Variants in PRPF38A observed in about 807,000 individuals in gnomAD.
The protein encoded by PRPF38A is pre-mRNA-splicing factor 38A.
Under a neutral mutation model 46.8 loss-of-function variants are expected in PRPF38A, and 11 were observed. That is an observed-to-expected ratio of 0.24 (90% CI 0.15 to 0.39). PRPF38A has a LOEUF of 0.39. Ranked by LOEUF, PRPF38A falls within the 10% of genes least tolerant of loss-of-function variation. PRPF38A has a pLI of 1.00. For missense variants in PRPF38A, 261 were observed against 407.5 expected (o/e 0.64, Z 3.10); for synonymous variants, 124 against 136.2 (o/e 0.91, Z 0.62).
chr1:52,410,060 C>CAT (rs1038641170), intron 3 of PRPF38A, among the ~76,000 whole-genome samples: 4 of 148,502 alleles, frequency 2.7e-5, no homozygotes, highest in Admixed American at 6.7e-5. Flanking sequence ...TATACACACA[C>CAT]ATATATATAC....
intron 9 of PRPF38A, among the ~76,000 whole-genome samples, chr1:52,416,402 G>A (rs774437406): frequency 6.6e-5 from 10 of 151,308 alleles, no homozygotes; most frequent in East Asian, 3.9e-4. Context: ...TCCACCTCCC[G>A]GGTTCAAGCA....
chr1:52,405,009 T>C (rs1288604303), intron 1 of PRPF38A, 130 bp downstream of exon 1: 1 of 1,046,380 alleles, frequency 9.6e-7, no homozygotes, highest in Non-Finnish European at 1.4e-6. Context: ...TTCAGAAAAA[T>C]TTTGAGTGCC....
Position 52,413,994 on chromosome 1 carries a change from A to T in PRPF38A, c.722+3A>T. On this transcript the variant is annotated splice_donor_region_variant and intron_variant, in intron 6 of 9. Coordinates refer to ENST00000257181, the MANE Select transcript of PRPF38A (RefSeq NM_032864.4). Reference sequence around the variant, plus strand: ...AGTAGGAGCCGGTCTCCCAGAAGGTAAAGCCTAGTCATTGGCCTTTTCCCA... The same window carrying T: ...AGTAGGAGCCGGTCTCCCAGAAGGTTAAGCCTAGTCATTGGCCTTTTCCCA... The T allele has an allele frequency of 6.3e-7, 1 of 1,594,234 alleles. No individual in the cohort carries two copies. Among genetic ancestry groups the T allele is most frequent in the Non-Finnish European group, 8.6e-7 (1 of 1,162,048 alleles).
intron 4 of PRPF38A, among the ~76,000 whole-genome samples, chr1:52,411,735 C>T (rs1298879756): frequency 6.6e-6 from 1 of 151,920 alleles, no homozygotes; most frequent in Non-Finnish European, 1.5e-5. Flanking sequence ...TAGTGATAAA[C>T]GATTATCCAT....
At chr1:52,408,712 C>T (rs1251330093) in intron 3 of PRPF38A, 22 bp downstream of exon 3, 1 of 1,610,462 alleles carries the variant, frequency 6.2e-7, no homozygotes, top group Middle Eastern at 1.7e-4. Context: ...GCTAAGTCTC[C>T]TGATTGTCAT....
chr1:52,406,230 C>A (rs945740194), intron 2 of PRPF38A, among the ~76,000 whole-genome samples: 1 of 151,864 alleles, frequency 6.6e-6, no homozygotes, highest in African/African-American at 2.4e-5. Flanking sequence ...TTCAGGTAAT[C>A]CCCTCCCCCC....
intron 2 of PRPF38A, among the ~76,000 whole-genome samples, chr1:52,407,103 G>A (rs772542177): frequency 3.3e-5 from 5 of 152,012 alleles, no homozygotes; most frequent in East Asian, 1.9e-4. Flanking sequence ...CTGCAAGCTC[G>A]GCCTCCTGGG....
Position 52,404,984 on chromosome 1 carries a change from G to A in PRPF38A, c.130+105G>A, listed in dbSNP as rs550540579. 36 of 1,365,484 alleles carry A rather than the reference G, an allele frequency of 2.6e-5. No individual in the cohort carries two copies. The East Asian group carries it at 5.1e-4, about 19-fold the overall frequency. 84.6% of individuals were successfully genotyped at this position (1,365,484 alleles called of 1,614,324 possible). ...TGGCCTCTGGGGGTGGTACTGGAAC[G>A]GAGTATGTCGATCATTCAGAAAAAT... On this transcript the variant is annotated intron_variant, in intron 1 of 9. Transcript: ENST00000257181.
At chr1:52,416,618 TA>T (rs1447854247) in intron 9 of PRPF38A, 29 bp from the exon 10 acceptor site, 1 of 1,589,874 alleles carries the variant, frequency 6.3e-7, no homozygotes, top group Non-Finnish European at 8.6e-7. Flanking sequence ...TGCTTCTTAA[TA>T]TAATTATTTA....
In PRPF38A at chr1:52,414,845, G is replaced by C; in HGVS notation, c.833G>C (p.Arg278Pro). 1 of 1,613,998 alleles carries C rather than the reference G, an allele frequency of 6.2e-7. No individual in the cohort carries two copies. Among genetic ancestry groups the C allele is most frequent in the Non-Finnish European group, 8.5e-7 (1 of 1,179,946 alleles). Residue 278 changes from arginine to proline, a missense_variant, in exon 8 of 10, where the codon CGT (arginine) becomes CCT (proline). Transcript: ENST00000257181. ...TCCCGAGATCGGCGGCACAGATCCC[G>C]TTCCAAGTCCCCAGGTAAAGCTTGT... ...SRSRDRRHRS[R>P]SKSPGHHRSH...
Position 52,404,860 on chromosome 1 carries a change from G to A in PRPF38A, c.111G>A (p.Glu37=), listed in dbSNP as rs146021095. Residue 37 remains glutamate, a synonymous_variant, in exon 1 of 10, where the codon GAG becomes GAA. Coordinates refer to ENST00000257181, the MANE Select transcript of PRPF38A (RefSeq NM_032864.4). ...TCTATGAGTCCAAGTACTGGAAAGA[G>A]GAGTGCTTTGGACTTACAGGTAAGT... is the stretch of plus-strand genomic sequence containing the variant. ...TRIYESKYWK[E]ECFGLTAELV... 1.2e-5 allele frequency: 20 copies of A among 1,614,192 alleles called. No homozygotes were observed. The highest frequency in any genetic ancestry group is 1.5e-5 in the Non-Finnish European group (18 of 1,180,014).
Position 52,413,940 on chromosome 1 carries a change from G to A in PRPF38A, c.671G>A (p.Arg224His), listed in dbSNP as rs761054400. ...RRSYRDLDKPRRSPTLRYRRS... is the reference protein window; with the variant it reads ...RRSYRDLDKPHRSPTLRYRRS... ...AGCTACCGAGACTTGGACAAGCCCC[G>A]TCGCTCTCCCACACTGCGCTACAGG... Residue 224 changes from arginine to histidine, a missense_variant, in exon 6 of 10, where the codon CGT becomes CAT. By Grantham distance (29) the Arg-to-His change is conservative. Transcript: ENST00000257181. The A allele has an allele frequency of 4.3e-6, 7 of 1,613,878 alleles. No homozygotes were observed. Among genetic ancestry groups the A allele is most frequent in the East Asian group, 2.2e-5 (1 of 44,882 alleles).
rs929326861 is a variant in PRPF38A at position 52,414,833 on chromosome 1, G to A, written c.821G>A (p.Arg274Gln). 13 of 1,614,110 alleles carry A rather than the reference G, an allele frequency of 8.1e-6. No homozygotes were observed. The highest frequency in any genetic ancestry group is 1.1e-5 in the Non-Finnish European group (13 of 1,180,010). ...RRHRSRSRDR[R>Q]HRSRSKSPGH... ...CACCGCAGCAGGTCCCGAGATCGGC[G>A]GCACAGATCCCGTTCCAAGTCCCCA... is the stretch of plus-strand genomic sequence containing the variant. The change falls in exon 8 of 10, where the codon CGG (arginine) becomes CAG (glutamine). Residue 274 changes from arginine (R) to glutamine (Q), a missense_variant. Arg to Gln is a conservative substitution (Grantham distance 43, BLOSUM62 1). This residue lies in a region of PRPF38A where 180 missense variants were observed against 221.0 expected (regional missense o/e 0.81). Coordinates refer to ENST00000257181, the MANE Select transcript of PRPF38A (RefSeq NM_032864.4).
intron 3 of PRPF38A, among the ~76,000 whole-genome samples, chr1:52,410,904 C>T (rs2147956958): frequency 6.6e-6 from 1 of 152,348 alleles, no homozygotes; most frequent in Non-Finnish European, 1.5e-5. Flanking sequence ...TATATGATCT[C>T]TTCAAGATCA....
At chr1:52,412,961 CACTGCACTCCAGCT>C (rs775092272) in intron 5 of PRPF38A, among the ~76,000 whole-genome samples, 9,216 of 152,236 alleles carry the variant, frequency 0.061, 301 homozygotes, top group African/African-American at 0.083. Flanking sequence ...AAGATCGCAA[CACTGCACTCCAGCT>C]TGGGCAAAAG....
chr1:52,415,475 G>A (rs1438982332), intron 9 of PRPF38A, 89 bp downstream of exon 9: 2 of 1,116,250 alleles, frequency 1.8e-6, no homozygotes, highest in Middle Eastern at 2.2e-4. Flanking sequence ...GTTGGGGGAT[G>A]TTAGGAATTC....
intron 2 of PRPF38A, among the ~76,000 whole-genome samples, chr1:52,407,784 G>A (rs1287980715): frequency 6.6e-6 from 1 of 152,202 alleles, no homozygotes; most frequent in Non-Finnish European, 1.5e-5. Flanking sequence ...TGCCAGGCAT[G>A]GTTGCTAACA....
At chr1:52,409,652 A>G (rs1205307515) in intron 3 of PRPF38A, 1 of 152,200 alleles carries the variant, frequency 6.6e-6, no homozygotes, top group Non-Finnish European at 1.5e-5. Flanking sequence ...TTATTGATTC[A>G]TTCATTGAAT....
rs1569969047 is a variant in PRPF38A, at chr1:52,404,611, T to G, written c.-139T>G. On this transcript the variant is annotated 5_prime_UTR_variant, in exon 1 of 10. Coordinates refer to ENST00000257181, the MANE Select transcript of PRPF38A (RefSeq NM_032864.4). Reference sequence around the variant, plus strand: ...GGAGCGGAAGCCCTTTACACTACGGTGTTTCCGGCTTCAAGATGGTCGCCT... The same window carrying G: ...GGAGCGGAAGCCCTTTACACTACGGGGTTTCCGGCTTCAAGATGGTCGCCT... 1.2e-6 allele frequency: 1 copy of G among 848,416 alleles called. No homozygotes were observed. Among genetic ancestry groups the G allele is most frequent in the South Asian group, 1.8e-5 (1 of 56,764 alleles). 52.6% of individuals were successfully genotyped at this position (848,416 alleles called of 1,614,324 possible).
Sources: allele counts gnomAD v4.1 joint callset (sites outside exome capture counted in the v4.1 genomes callset), GRCh38; gene constraint gnomAD v4.1.1; regional missense constraint gnomAD v4.1.1; transcripts MANE v1.5; gene names NCBI Gene and HGNC (gene_info 2026-07-23, HGNC 2026-07-21).